AP2S1: variants seen among roughly 807,000 people sequenced by gnomAD.
AP2S1 encodes adaptor related protein complex 2 subunit sigma 1, also known as AP-2 complex subunit sigma.
In AP2S1, 6 loss-of-function variants were observed where a neutral mutation model predicts 21.0. That is an observed-to-expected ratio of 0.29 (90% CI 0.16 to 0.56). The LOEUF (loss-of-function observed/expected upper bound fraction) is 0.56, where lower values mean the gene tolerates loss of function less well. Among genes scored for constraint, AP2S1 ranks in the 20% least tolerant of loss-of-function variants. AP2S1 has a pLI of 0.92. For missense variants in AP2S1, 60 were observed against 186.2 expected (o/e 0.32, Z 3.95); for synonymous variants, 63 against 74.6 (o/e 0.84, Z 0.80).
chr19:46,839,610 A>G (rs312185), intron 2 of AP2S1, 32 bp from the exon 3 acceptor site: 2 of 1,613,686 alleles, frequency 1.2e-6, no homozygotes, highest in Non-Finnish European at 1.7e-6. Flanking sequence ...AGCAACGGAG[A>G]TTGCCAGGAC....
intron 1 of AP2S1, among the ~76,000 whole-genome samples, chr19:46,846,900 A>T (rs920366849): frequency 2.0e-5 from 3 of 152,202 alleles, no homozygotes; most frequent in Admixed American, 1.3e-4. Context: ...TTCTGACCTC[A>T]GGTGATCCGC....
At chr19:46,842,520 G>C (rs1421280307) in intron 2 of AP2S1, among the ~76,000 whole-genome samples, 1 of 152,166 alleles carries the variant, frequency 6.6e-6, no homozygotes, top group Non-Finnish European at 1.5e-5. Flanking sequence ...GGCGGGCCTG[G>C]ATCCTGGAGG....
intron 1 of AP2S1, among the ~76,000 whole-genome samples, chr19:46,847,496 T>C (rs147214973): frequency 1.9e-4 from 29 of 152,180 alleles, no homozygotes. Context: ...GCATCAGGCG[T>C]GAGCCACTGC....
intron 1 of AP2S1, among the ~76,000 whole-genome samples, 173 bp from the exon 2 acceptor site, chr19:46,846,315 C>T (rs2055632670): frequency 6.6e-6 from 1 of 152,046 alleles, no homozygotes. Flanking sequence ...CCGGCCTGGC[C>T]ACACGCTTCA....
intron 2 of AP2S1, among the ~76,000 whole-genome samples, chr19:46,839,994 C>A (rs1206508699): frequency 6.6e-6 from 1 of 152,150 alleles, no homozygotes; most frequent in Non-Finnish European, 1.5e-5. Context: ...TGACTTCCTG[C>A]TACCTCTGGA....
rs572390390 is a variant in AP2S1, at chr19:46,850,315, A to G, written c.3+449T>C. 1.6e-6 allele frequency: 2 copies of G among 1,235,514 alleles called. 1 individual carries two copies. Among genetic ancestry groups the G allele is most frequent in the Admixed American group, 8.4e-5 (2 of 23,696 alleles). 76.5% of individuals were successfully genotyped at this position (1,235,514 alleles called of 1,614,324 possible). The stretch of plus-strand genomic sequence containing the variant: ...TGCAATCAGATCCTTGTCTCTAGAG[A>G]CTCCTCCCATCAAGAAAACCTCCCT... On this transcript the variant is annotated intron_variant, in intron 1 of 4. Coordinates refer to ENST00000263270, the MANE Select transcript of AP2S1 (RefSeq NM_004069.6).
At chr19:46,847,394 T>G (rs759187035) in intron 1 of AP2S1, among the ~76,000 whole-genome samples, 4 of 152,092 alleles carry the variant, frequency 2.6e-5, no homozygotes, top group Non-Finnish European at 5.9e-5. Context: ...CTTTTTGTAT[T>G]TTTAGTAGAG....
intron 3 of AP2S1, 34 bp downstream of exon 3, chr19:46,839,431 C>CCA: frequency 6.8e-7 from 1 of 1,477,018 alleles, no homozygotes; most frequent in Non-Finnish European, 9.3e-7. Flanking sequence ...GCTGCCCACC[C>CCA]GCCTCCCCAC....
intron 1 of AP2S1, chr19:46,850,010 T>C: frequency 1.1e-6 from 1 of 870,526 alleles, no homozygotes; most frequent in East Asian, 3.3e-5. Flanking sequence ...ATGTTGAGTC[T>C]TTGCCCCAAC....
In AP2S1 at chr19:46,850,805, G is replaced by A. The variant is rs749384502; in HGVS notation, c.-39C>T. ...CAGACCCCAGCGGCCCCGGTCCCGC[G>A]GCGACTGGGCAGCTCCGGCTCAGGG... On this transcript the variant is annotated 5_prime_UTR_variant, in exon 1 of 5. Transcript: ENST00000263270. The A allele has an allele frequency of 9.7e-6, 15 of 1,544,316 alleles. No individual in the cohort carries two copies. The South Asian group carries it at 1.3e-4, about 13-fold the overall frequency.
intron 2 of AP2S1, 47 bp downstream of exon 2, chr19:46,845,946 G>C (rs764305021): frequency 1.2e-6 from 2 of 1,610,566 alleles, no homozygotes; most frequent in African/African-American, 1.3e-5. Flanking sequence ...TGGCGAAGTA[G>C]GGCACGAGGA....
rs372197117 is a variant in AP2S1 at position 46,850,803 on chromosome 19, G to A, written c.-37C>T. On this transcript the variant is annotated 5_prime_UTR_variant, in exon 1 of 5. Coordinates refer to ENST00000263270, the MANE Select transcript of AP2S1 (RefSeq NM_004069.6). ...TCCAGACCCCAGCGGCCCCGGTCCC[G>A]CGGCGACTGGGCAGCTCCGGCTCAG... 5 of 1,547,214 alleles carry A rather than the reference G, an allele frequency of 3.2e-6. No homozygotes were observed. The South Asian group carries it at 5.9e-5, about 18-fold the overall frequency.
chr19:46,839,324 G>GA (rs201913796), intron 3 of AP2S1, 141 bp downstream of exon 3: 91 of 365,546 alleles, frequency 2.5e-4, no homozygotes, highest in East Asian at 1.5e-3. Context: ...AAAAGAAAAA[G>GA]AAAAAAAAGA....
At chr19:46,842,696 C>G (rs2055545273) in intron 2 of AP2S1, among the ~76,000 whole-genome samples, 1 of 152,108 alleles carries the variant, frequency 6.6e-6, no homozygotes, top group Non-Finnish European at 1.5e-5. Context: ...GCCCACACAG[C>G]CAGAACACCC....
intron 2 of AP2S1, 151 bp downstream of exon 2, chr19:46,845,842 G>T: frequency 1.1e-6 from 1 of 950,276 alleles, no homozygotes; most frequent in Non-Finnish European, 1.6e-6. Flanking sequence ...GTAAAGGAAG[G>T]GAAGAAGCAA....
intron 2 of AP2S1, among the ~76,000 whole-genome samples, chr19:46,841,920 C>T (rs961901569): frequency 2.6e-5 from 4 of 152,116 alleles, no homozygotes; most frequent in African/African-American, 7.2e-5. Flanking sequence ...GGCCAGGTGC[C>T]GGGCCTCATG....
chr19:46,847,814 G>A (rs1052880014), intron 1 of AP2S1, among the ~76,000 whole-genome samples: 1 of 152,144 alleles, frequency 6.6e-6, no homozygotes, highest in Non-Finnish European at 1.5e-5. Flanking sequence ...TCTGTTGGAT[G>A]GATAAGGCCG....
chr19:46,843,031 G>C (rs955709666), intron 2 of AP2S1, among the ~76,000 whole-genome samples: 2 of 152,090 alleles, frequency 1.3e-5, no homozygotes, highest in South Asian at 4.2e-4. Context: ...GACGATACTC[G>C]GGGCCAGACC....
At chr19:46,839,813 G>C (rs2055485056) in intron 2 of AP2S1, among the ~76,000 whole-genome samples, 1 of 126,280 alleles carries the variant, frequency 7.9e-6, no homozygotes, top group Non-Finnish European at 1.7e-5. Context: ...CAAAGAGGGT[G>C]CCTAACCCCC....
Sources: gnomAD v4.1 joint callset for allele counts (sites outside exome capture counted in the v4.1 genomes callset) on GRCh38, gnomAD v4.1.1 for gene constraint, MANE v1.5 for transcripts, NCBI Gene and HGNC (gene_info 2026-07-23, HGNC 2026-07-21) for gene names.